PRDM1: variants seen among roughly 807,000 people sequenced by gnomAD.
The protein encoded by PRDM1 is PR/SET domain 1.
In PRDM1, 13 loss-of-function variants were observed where a neutral mutation model predicts 62.8. The ratio of observed to expected loss-of-function variants is 0.21; its 90% CI spans 0.13 to 0.33. PRDM1 has a LOEUF of 0.33. PRDM1 is among the 10% of genes least tolerant of loss of function. The pLI is 1.00. For synonymous variants in PRDM1, 396 were observed against 417.6 expected (o/e 0.95, Z 0.63); for missense variants, 895 against 1,058.8 (o/e 0.85, Z 2.15).
intron 1 of PRDM1, among the ~76,000 whole-genome samples, chr6:106,010,229 G>T (rs763466789): frequency 6.6e-6 from 1 of 152,122 alleles, no homozygotes; most frequent in Non-Finnish European, 1.5e-5. Context: ...TCTTCGACAG[G>T]CGTTTCTAAT....
At chr6:106,021,921 GA>G (rs1378191136) in intron 1 of PRDM1, among the ~76,000 whole-genome samples, 1 of 152,068 alleles carries the variant, frequency 6.6e-6, no homozygotes, top group African/African-American at 2.4e-5. Flanking sequence ...TGCCCAGCGT[GA>G]AATGTTTATT....
intron 1 of PRDM1, among the ~76,000 whole-genome samples, chr6:106,058,633 C>A (rs563345560): frequency 6.6e-6 from 1 of 152,054 alleles, no homozygotes; most frequent in Non-Finnish European, 1.5e-5. Flanking sequence ...AGTGCAGTGG[C>A]GCAATCTCGG....
At chr6:106,048,188 G>A (rs149118557), upstream of PRDM1, among the ~76,000 whole-genome samples, 853 of 143,880 alleles carry the variant, frequency 5.9e-3, 11 homozygotes, top group African/African-American at 0.021. Flanking sequence ...AGACTAGCCC[G>A]GACAACGTAG....
At chr6:106,062,508 C>T (rs1384020004) in intron 1 of PRDM1, among the ~76,000 whole-genome samples, 1 of 152,158 alleles carries the variant, frequency 6.6e-6, no homozygotes, top group African/African-American at 2.4e-5. Context: ...AGGAAGCTGG[C>T]TCTTACTAAA....
intron 1 of PRDM1, among the ~76,000 whole-genome samples, chr6:106,055,992 A>G (rs1043108058): frequency 1.3e-5 from 2 of 151,960 alleles, no homozygotes; most frequent in Non-Finnish European, 2.9e-5. Context: ...AGAAAGGCTC[A>G]TTCTTAAGAA....
intron 1 of PRDM1, among the ~76,000 whole-genome samples, chr6:106,029,824 G>T (rs990078575): frequency 3.3e-5 from 5 of 151,876 alleles, no homozygotes; most frequent in African/African-American, 1.2e-4. Flanking sequence ...TTGTCATGTT[G>T]CCCAGGCTGG....
intron 1 of PRDM1, among the ~76,000 whole-genome samples, chr6:106,076,235 G>T (rs1047666641): frequency 2.0e-5 from 3 of 152,070 alleles, no homozygotes; most frequent in Non-Finnish European, 2.9e-5. Context: ...CAAAGTGCTG[G>T]CATTACAGGC....
intron 3 of PRDM1, among the ~76,000 whole-genome samples, chr6:106,097,745 A>G (rs1226133425): frequency 1.3e-5 from 2 of 152,244 alleles, no homozygotes; most frequent in South Asian, 2.1e-4. Context: ...AGGAAGGCTA[A>G]CTGGAATCAA....
rs747246219 is a variant in PRDM1 at position 106,106,889 on chromosome 6, GTC to G, written c.1903-15_1903-14del. 1.4e-5 allele frequency: 22 copies of G among 1,589,384 alleles called. No individual in the cohort carries two copies. The highest frequency in any genetic ancestry group is 1.7e-4 in the Middle Eastern group (1 of 5,976). ...GGCCTTCCTGTCTCCCTTCCCTGCT[GTC>G]TCTCTCCCCTACACTGTAGGTCTGC... On this transcript the variant is annotated intron_variant, in intron 6 of 6. Coordinates refer to ENST00000369096, the MANE Select transcript of PRDM1 (RefSeq NM_001198.4). The surrounding 1 kb of genome is among the most constrained non-coding windows in gnomAD (Gnocchi z 4.4).
intron 3 of PRDM1, chr6:106,098,923 AT>A: frequency 2.6e-6 from 4 of 1,515,220 alleles, no homozygotes; most frequent in Non-Finnish European, 3.5e-6. Context: ...AAAAGTCAGC[AT>A]AATCGGAACT....
At chr6:106,017,539 A>G (rs1200942369) in intron 1 of PRDM1, among the ~76,000 whole-genome samples, 1 of 152,190 alleles carries the variant, frequency 6.6e-6, no homozygotes, top group Non-Finnish European at 1.5e-5. Context: ...GTTATGAATA[A>G]AGCAACTAAG....
intron 4 of PRDM1, among the ~76,000 whole-genome samples, chr6:106,101,941 C>A (rs990093610): frequency 6.6e-6 from 1 of 152,204 alleles, no homozygotes; most frequent in African/African-American, 2.4e-5. Context: ...AAGTTTGAAA[C>A]CCCTACCCCT....
At chr6:106,007,965 G>A (rs1474611970) in intron 1 of PRDM1, among the ~76,000 whole-genome samples, 1 of 152,164 alleles carries the variant, frequency 6.6e-6, no homozygotes, top group Admixed American at 6.5e-5. Flanking sequence ...CACGAAAAAT[G>A]TACCGTTTTG....
chr6:105,998,919 ATATATATATATATATTTTT>A (rs1772389895), intron 1 of PRDM1, among the ~76,000 whole-genome samples: 3 of 4,792 alleles, frequency 6.3e-4, no homozygotes, highest in African/African-American at 1.3e-3. Flanking sequence ...ATATATATAT[ATATATATATATATATTTTT>A]TTTTTTTTTT....
chr6:106,101,099 A>T (rs142930346), intron 4 of PRDM1, among the ~76,000 whole-genome samples: 1 of 152,288 alleles, frequency 6.6e-6, no homozygotes, highest in Non-Finnish European at 1.5e-5. Context: ...CTCGTATTCC[A>T]GCTGTGCGTC....
chr6:106,016,594 G>C (rs1169377698), intron 1 of PRDM1, among the ~76,000 whole-genome samples: 1 of 150,630 alleles, frequency 6.6e-6, no homozygotes, highest in African/African-American at 2.4e-5. Context: ...GTTTATTCTT[G>C]AACAAGGGTT....
In PRDM1 at chr6:106,089,002, G is replaced by A. The variant is rs575717290; in HGVS notation, c.291+553G>A. Among the ~76,000 whole-genome samples, 150 of 152,292 alleles carry A rather than the reference G, an allele frequency of 9.8e-4. 1 individual carries two copies. In the Middle Eastern group the frequency reaches 0.027, roughly 28 times the overall value. Reference sequence around the variant, plus strand: ...ATGTAAAAGTGTCCTCTGTCTGGATGACTTCAGAGCTAACCACTGTTTATC... The same window carrying A: ...ATGTAAAAGTGTCCTCTGTCTGGATAACTTCAGAGCTAACCACTGTTTATC... On this transcript the variant is annotated intron_variant, in intron 2 of 6. Transcript: ENST00000369096.
intron 1 of PRDM1, among the ~76,000 whole-genome samples, chr6:106,057,566 T>C (rs974338517): frequency 4.6e-5 from 7 of 152,332 alleles, no homozygotes; most frequent in East Asian, 3.9e-4. Flanking sequence ...TAGGATAATC[T>C]ACTGGTTTAC....
In PRDM1 at chr6:106,038,905, G is replaced by C. The variant is rs906578502; in HGVS notation, c.-67+45266G>C. ...GCCAGTGTGTTTGTTGTCTAGCTGA[G>C]AAGACAGGTCCCTACTCCTTCTTTC... On this transcript the variant is annotated intron_variant, in intron 1 of 6. Transcript: ENST00000652320. Among the ~76,000 whole-genome samples, 3 of 152,164 alleles carry C rather than the reference G, an allele frequency of 2.0e-5. No individual in the cohort carries two copies. The East Asian group carries it at 5.8e-4, about 29-fold the overall frequency.
Sources: gnomAD v4.1 joint callset for allele counts (sites outside exome capture counted in the v4.1 genomes callset) on GRCh38, gnomAD v4.1.1 for gene constraint, Gnocchi (gnomAD v3.1) non-coding constraint, MANE v1.5 for transcripts, NCBI Gene and HGNC (gene_info 2026-07-23, HGNC 2026-07-21) for gene names.